Variants in ARHGAP23 observed in about 807,000 individuals in gnomAD.
The protein encoded by ARHGAP23 is rho GTPase-activating protein 23.
ARHGAP23 carries 34 observed loss-of-function variants against 136.3 expected under a neutral mutation model. The ratio of observed to expected loss-of-function variants is 0.25; its 90% CI spans 0.19 to 0.33. The LOEUF (loss-of-function observed/expected upper bound fraction) is 0.33, where lower values mean the gene tolerates loss of function less well. Among genes scored for constraint, ARHGAP23 ranks in the 10% least tolerant of loss-of-function variants. ARHGAP23 has a pLI of 1.00. For synonymous variants in ARHGAP23, 832 were observed against 920.5 expected, an observed-to-expected ratio of 0.90 and a Z score of 1.74; for missense variants, 1,808 against 2,139.0, an observed-to-expected ratio of 0.85 and a Z score of 3.05.
intron 1 of ARHGAP23, among the ~76,000 whole-genome samples, chr17:38,433,981 T>G (rs59723909): frequency 0.031 from 4,748 of 152,116 alleles, 89 homozygotes; most frequent in Middle Eastern, 0.19. Flanking sequence ...CCTGGCTAAT[T>G]TTTTTTATTT....
At position 38,466,336 on chromosome 17, in the gene ARHGAP23, AC is replaced by A; in HGVS notation, c.658del (p.Arg220GlyfsTer28). ...VPEPTSALPSDPRSPAAWSDP... is the reference protein window; with the variant it reads ...VPEPTSALPSXPRSPAAWSDP... The stretch of plus-strand genomic sequence containing the variant: ...GAGCCCACCTCAGCACTGCCCAGTG[AC>A]CCCCGGAGTCCTGCTGCCTGGAGTG... On this transcript the variant is annotated frameshift_variant, in exon 7 of 24. Transcript: ENST00000622683. LOFTEE classifies it high-confidence loss of function. 6.5e-7 allele frequency: 1 copy of A among 1,543,078 alleles called. No individual in the cohort carries two copies.
chr17:38,448,372 A>G (rs781661335), intron 1 of ARHGAP23, among the ~76,000 whole-genome samples: 9 of 152,192 alleles, frequency 5.9e-5, no homozygotes, highest in Non-Finnish European at 1.3e-4. Context: ...CCGTCGAAAC[A>G]GCCTGCATTT....
At chr17:38,434,001 C>A (rs533114682) in intron 1 of ARHGAP23, among the ~76,000 whole-genome samples, 1 of 151,984 alleles carries the variant, frequency 6.6e-6, no homozygotes, top group South Asian at 2.1e-4. Context: ...TTTTTAGAGA[C>A]AAGGTTTCGG....
intron 11 of ARHGAP23, among the ~76,000 whole-genome samples, chr17:38,474,661 G>T (rs915724016): frequency 6.6e-6 from 1 of 152,170 alleles, no homozygotes. Flanking sequence ...CCCACCTGGG[G>T]ATGGCCTTTG....
At chr17:38,436,391 C>T (rs1188635511) in intron 1 of ARHGAP23, among the ~76,000 whole-genome samples, 1 of 132,706 alleles carries the variant, frequency 7.5e-6, no homozygotes, top group African/African-American at 2.5e-5. Context: ...CTACCCCTAC[C>T]CCCCCAAAAA....
At chr17:38,433,310 T>C (rs2038724700) in intron 1 of ARHGAP23, among the ~76,000 whole-genome samples, 1 of 152,090 alleles carries the variant, frequency 6.6e-6, no homozygotes, top group Non-Finnish European at 1.5e-5. Flanking sequence ...GAGGGCTAAA[T>C]GAGGTAGTAT....
At position 38,511,950 on chromosome 17, in the gene ARHGAP23, A is replaced by C. The variant is rs1225945155; in HGVS notation, c.*978A>C. On this transcript the variant is annotated 3_prime_UTR_variant, in exon 24 of 24. Transcript: ENST00000622683. The stretch of plus-strand genomic sequence containing the variant: ...GCTGGGCTGTTCCTGCAGGATGGAC[A>C]GGACCCAGCGCCCTCTTCTCCCCAC... 6.6e-6 allele frequency: 1 copy of C among 152,216 alleles called. No homozygotes were observed. The highest frequency in any genetic ancestry group is 1.5e-5 in the Non-Finnish European group (1 of 68,096). 9.4% of individuals were successfully genotyped at this position (152,216 alleles called of 1,614,324 possible). A position where few individuals can be genotyped will look rare whatever the true frequency, so the allele number is the denominator to read the frequency against.
chr17:38,453,588 G>GCCC (rs1040622700), intron 1 of ARHGAP23: 7 of 151,196 alleles, frequency 4.6e-5, no homozygotes, highest in African/African-American at 1.5e-4. Flanking sequence ...GTGCCCTGGC[G>GCCC]TGTGGGGTGT....
intron 14 of ARHGAP23, among the ~76,000 whole-genome samples, chr17:38,481,260 C>T (rs1203471704): frequency 1.3e-5 from 2 of 152,064 alleles, no homozygotes; most frequent in African/African-American, 2.4e-5. Flanking sequence ...CATTCTCCTG[C>T]CTCAGCCTCC....
intron 6 of ARHGAP23, 126 bp downstream of exon 6, chr17:38,463,508 G>A: frequency 8.7e-7 from 1 of 1,148,032 alleles, no homozygotes; most frequent in Non-Finnish European, 1.3e-6. Context: ...GGGATGCCAG[G>A]CCCCTCCCTG....
In ARHGAP23 at chr17:38,469,876, G is replaced by A. The variant is rs1482995321; in HGVS notation, c.1946G>A (p.Arg649Gln). The A allele has an allele frequency of 5.2e-6, 8 of 1,551,604 alleles. No homozygotes were observed. The highest frequency in any genetic ancestry group is 5.2e-6 in the Non-Finnish European group (6 of 1,147,000). Reference sequence around the variant, plus strand: ...CTGCCAAACCGCATACCCAGCCTGCGGATGCTCCGGAGCTTCTTCACCGAC... The same window carrying A: ...CTGCCAAACCGCATACCCAGCCTGCAGATGCTCCGGAGCTTCTTCACCGAC... ...RRLPNRIPSL[R>Q]MLRSFFTDGS... Residue 649 changes from arginine (R) to glutamine (Q), a missense_variant, in exon 10 of 24, where the codon CGG (arginine) becomes CAG (glutamine). Arg to Gln is a conservative substitution (Grantham distance 43, BLOSUM62 1). Coordinates refer to ENST00000622683, the MANE Select transcript of ARHGAP23 (RefSeq NM_001199417.2).
At chr17:38,504,949 G>C (rs1471310192) in intron 23 of ARHGAP23, among the ~76,000 whole-genome samples, 1 of 120,256 alleles carries the variant, frequency 8.3e-6, no homozygotes, top group Non-Finnish European at 1.7e-5. Context: ...GAGTGGAGCT[G>C]TTCATTACTC....
At chr17:38,449,375 A>G (rs966769489) in intron 1 of ARHGAP23, among the ~76,000 whole-genome samples, 35 of 152,216 alleles carry the variant, frequency 2.3e-4, no homozygotes, top group African/African-American at 8.2e-4. Context: ...CGGGGTGCCC[A>G]GGTTCCCGGT....
At position 38,462,831 on chromosome 17, in the gene ARHGAP23, G is replaced by A; in HGVS notation, c.254-15G>A. 1.3e-6 allele frequency: 2 copies of A among 1,491,928 alleles called. No homozygotes were observed. Among genetic ancestry groups the A allele is most frequent in the Non-Finnish European group, 1.8e-6 (2 of 1,120,780 alleles). 92.4% of individuals were successfully genotyped at this position (1,491,928 alleles called of 1,614,324 possible). ...TCCCCAGCCACCCCCAGCTAACCTG[G>A]CTGATGCCCACTAGGACCCTCCCCC... On this transcript the variant is annotated splice_polypyrimidine_tract_variant and intron_variant, in intron 3 of 23. Coordinates refer to ENST00000622683, the MANE Select transcript of ARHGAP23 (RefSeq NM_001199417.2).
At chr17:38,421,809 G>T (rs918240313) in intron 1 of ARHGAP23, among the ~76,000 whole-genome samples, 8 of 152,228 alleles carry the variant, frequency 5.3e-5, no homozygotes, top group African/African-American at 1.9e-4. Flanking sequence ...GCTGCAGGGG[G>T]ATTTCCAGAG....
At chr17:38,449,603 G>A (rs1250739771) in intron 1 of ARHGAP23, among the ~76,000 whole-genome samples, 1 of 152,188 alleles carries the variant, frequency 6.6e-6, no homozygotes, top group South Asian at 2.1e-4. Flanking sequence ...AGGCGTGGGC[G>A]GGGCGGGCAT....
chr17:38,484,990 T>C lies in ARHGAP23; in HGVS notation c.2908-1072T>C, dbSNP rs9900105. ...TAGGTCGCTTTCTGGGCCTGAGTTA[T>C]TCTGAGCCATTCCCAGCGAGGCGGC... On this transcript the variant is annotated intron_variant, in intron 16 of 23. Transcript: ENST00000622683. Among the ~76,000 whole-genome samples, 187 of 152,244 alleles carry C rather than the reference T, an allele frequency of 1.2e-3. 1 individual carries two copies. Among genetic ancestry groups the C allele is most frequent in the African/African-American group, 4.1e-3 (172 of 41,534 alleles).
At chr17:38,465,645 CCTT>C (rs1348698923) in intron 6 of ARHGAP23, among the ~76,000 whole-genome samples, 1 of 152,232 alleles carries the variant, frequency 6.6e-6, no homozygotes. Context: ...TGGGCAAACT[CCTT>C]CTCACCCCTG....
chr17:38,478,554 A>C (rs1480617694), intron 12 of ARHGAP23, among the ~76,000 whole-genome samples: 1 of 151,980 alleles, frequency 6.6e-6, no homozygotes, highest in Non-Finnish European at 1.5e-5. Flanking sequence ...AGCTGGGACT[A>C]TAGGCGCATG....
Sources: gnomAD v4.1 joint callset for allele counts (sites outside exome capture counted in the v4.1 genomes callset) on GRCh38, gnomAD v4.1.1 for gene constraint, MANE v1.5 for transcripts, NCBI Gene and HGNC (gene_info 2026-07-23, HGNC 2026-07-21) for gene names.